EXOC6B: variants seen among roughly 807,000 people sequenced by gnomAD.
The protein encoded by EXOC6B is exocyst complex component 6B.
A neutral mutation model predicts 113.5 loss-of-function variants in EXOC6B; 54 were observed. That is an observed-to-expected ratio of 0.48 (90% CI 0.38 to 0.60). The LOEUF (loss-of-function observed/expected upper bound fraction) is 0.60. EXOC6B is among the 20% of genes least tolerant of loss of function. The pLI is 0.00. For synonymous variants in EXOC6B, 357 were observed against 339.0 expected (o/e 1.05, Z -0.58); for missense variants, 797 against 977.5 (o/e 0.82, Z 2.46).
At chr2:72,612,127 T>C (rs566373375) in intron 6 of EXOC6B, among the ~76,000 whole-genome samples, 10 of 151,906 alleles carry the variant, frequency 6.6e-5, no homozygotes, top group African/African-American at 2.4e-4. Context: ...ATTTAAAAAT[T>C]AGCCAGGCGT....
chr2:72,364,629 T>C (rs1690504943), intron 19 of EXOC6B, among the ~76,000 whole-genome samples: 1 of 152,164 alleles, frequency 6.6e-6, no homozygotes, highest in Non-Finnish European at 1.5e-5. Flanking sequence ...TAGATTCTCC[T>C]ACGGTTCTCT....
At chr2:72,358,179 T>C (rs1273762596) in intron 19 of EXOC6B, among the ~76,000 whole-genome samples, 2 of 152,190 alleles carry the variant, frequency 1.3e-5, no homozygotes, top group African/African-American at 4.8e-5. Context: ...TATGTATTTA[T>C]GTTCTGTCAC....
At chr2:72,499,865 A>C in intron 12 of EXOC6B, 36 bp downstream of exon 12, 1 of 1,396,956 alleles carries the variant, frequency 7.2e-7, no homozygotes, top group Non-Finnish European at 9.9e-7. Flanking sequence ...TTATAATACC[A>C]ATCTAGATGA....
intron 17 of EXOC6B, among the ~76,000 whole-genome samples, chr2:72,474,164 C>A (rs1698585370): frequency 6.6e-6 from 1 of 151,792 alleles, no homozygotes; most frequent in South Asian, 2.1e-4. Flanking sequence ...TTATAGGTAA[C>A]TAGATGCTTT....
intron 18 of EXOC6B, among the ~76,000 whole-genome samples, chr2:72,404,370 C>A (rs1028143857): frequency 9.8e-5 from 15 of 152,290 alleles, no homozygotes; most frequent in African/African-American, 3.6e-4. Context: ...AGTGGTTCTC[C>A]CAGCACGCAG....
At chr2:72,463,606 T>C (rs2105411220) in intron 18 of EXOC6B, 1 of 152,280 alleles carries the variant, frequency 6.6e-6, no homozygotes, top group African/African-American at 2.4e-5. Flanking sequence ...AGTTAGAGGT[T>C]TGAGGACTAG....
intron 6 of EXOC6B, among the ~76,000 whole-genome samples, chr2:72,580,143 T>TC (rs1389647890): frequency 7.0e-6 from 1 of 143,854 alleles, no homozygotes; most frequent in East Asian, 2.0e-4. Flanking sequence ...GAATTTTTTT[T>TC]TTTTTTTTTT....
rs1677877372 is a variant in EXOC6B, at chr2:72,178,539, G to A, written c.*796C>T. ...AAGTGAAGGAAATGAGATGAACAGG[G>A]AAGGGATTGGGTCTCTGATTCCATG... On this transcript the variant is annotated 3_prime_UTR_variant, in exon 22 of 22. Transcript: ENST00000272427. 6.6e-6 allele frequency: 1 copy of A among 152,208 alleles called. No homozygotes were observed. Among genetic ancestry groups the A allele is most frequent in the African/African-American group, 2.4e-5 (1 of 41,448 alleles). The allele number at this position is 152,208 out of a possible 1,614,324, so 9.4% of individuals were successfully genotyped here.
chr2:72,473,575 TTA>T (rs1190932896), intron 17 of EXOC6B, among the ~76,000 whole-genome samples: 1 of 152,146 alleles, frequency 6.6e-6, no homozygotes, highest in Non-Finnish European at 1.5e-5. Context: ...TAAAGGTAAA[TTA>T]TGTTTCTTGT....
At chr2:72,739,139 T>A (rs1681147059) in intron 2 of EXOC6B, among the ~76,000 whole-genome samples, 1 of 152,210 alleles carries the variant, frequency 6.6e-6, no homozygotes, top group South Asian at 2.1e-4. Context: ...GCACCACAAT[T>A]TCTTTTAGTA....
chr2:72,677,258 G>A (rs935319989), intron 6 of EXOC6B, among the ~76,000 whole-genome samples: 1 of 152,018 alleles, frequency 6.6e-6, no homozygotes, highest in Non-Finnish European at 1.5e-5. Flanking sequence ...TCAGCAGTGT[G>A]CAATGGCTCG....
intron 1 of EXOC6B, among the ~76,000 whole-genome samples, chr2:72,768,121 TAAA>T (rs70963144): frequency 0.018 from 1,949 of 108,340 alleles, 15 homozygotes; most frequent in Non-Finnish European, 0.027. Flanking sequence ...GAGACTCCGT[TAAA>T]AAAAAAAAAA....
intron 11 of EXOC6B, among the ~76,000 whole-genome samples, chr2:72,507,615 T>A (rs1194497155): frequency 6.6e-6 from 1 of 152,068 alleles, no homozygotes; most frequent in Non-Finnish European, 1.5e-5. Context: ...TACATACCCT[T>A]TAGCTATCAC....
intron 19 of EXOC6B, among the ~76,000 whole-genome samples, chr2:72,351,454 C>A (rs767512192): frequency 1.3e-5 from 2 of 152,166 alleles, no homozygotes; most frequent in Non-Finnish European, 2.9e-5. Flanking sequence ...ACTGACTCAA[C>A]GTCTTTATCT....
chr2:72,219,950 T>G (rs1680765612), intron 20 of EXOC6B, among the ~76,000 whole-genome samples: 1 of 152,172 alleles, frequency 6.6e-6, no homozygotes, highest in South Asian at 2.1e-4. Context: ...ATGAAGTTAC[T>G]GGGGACCTGA....
At chr2:72,509,563 TTAAC>T (rs1446030246) in intron 11 of EXOC6B, among the ~76,000 whole-genome samples, 2 of 152,064 alleles carry the variant, frequency 1.3e-5, no homozygotes, top group Non-Finnish European at 2.9e-5. Context: ...ATCAATAAAA[TTAAC>T]TACTCAAAAA....
intron 20 of EXOC6B, among the ~76,000 whole-genome samples, chr2:72,331,675 ACTAT>A (rs1388010323): frequency 6.6e-6 from 1 of 152,136 alleles, no homozygotes; most frequent in East Asian, 1.9e-4. Context: ...TTTGATTTGT[ACTAT>A]CTAATTCACG....
At chr2:72,713,752 A>G (rs1679418614) in intron 6 of EXOC6B, among the ~76,000 whole-genome samples, 1 of 152,206 alleles carries the variant, frequency 6.6e-6, no homozygotes, top group Admixed American at 6.5e-5. Context: ...TAGAAGGCAA[A>G]CACACAGGGA....
chr2:72,554,718 T>G (rs928228181), intron 8 of EXOC6B, among the ~76,000 whole-genome samples: 1 of 152,156 alleles, frequency 6.6e-6, no homozygotes, highest in African/African-American at 2.4e-5. Flanking sequence ...GAGTTCACAT[T>G]GCATATGTAA....
Sources: allele counts gnomAD v4.1 joint callset (sites outside exome capture counted in the v4.1 genomes callset), GRCh38; gene constraint gnomAD v4.1.1; transcripts MANE v1.5; gene names NCBI Gene and HGNC (gene_info 2026-07-23, HGNC 2026-07-21).